TMEM132D: variants seen among roughly 807,000 people sequenced by gnomAD.
TMEM132D encodes the protein transmembrane protein 132D.
A neutral mutation model predicts 62.3 loss-of-function variants in TMEM132D; 21 were observed. The ratio of observed to expected loss-of-function variants is 0.34; its 90% CI spans 0.24 to 0.49. The LOEUF is 0.49. Among genes scored for constraint, TMEM132D ranks in the 20% least tolerant of loss-of-function variants. The probability of loss-of-function intolerance (pLI) is 0.99; values close to 1 mark genes in which losing one functional copy is unlikely to be tolerated. For missense variants in TMEM132D, 1,346 were observed against 1,402.8 expected (o/e 0.96, Z 0.65); for synonymous variants, 621 against 575.6 (o/e 1.08, Z -1.13).
At chr12:129,219,954 G>T (rs896619153) in intron 4 of TMEM132D, among the ~76,000 whole-genome samples, 2 of 152,076 alleles carry the variant, frequency 1.3e-5, no homozygotes, top group African/African-American at 4.8e-5. Context: ...TCTCTTCCTG[G>T]TGTGTGGGCA....
chr12:129,396,507 G>A (rs991352893), intron 3 of TMEM132D, among the ~76,000 whole-genome samples: 7 of 152,190 alleles, frequency 4.6e-5, no homozygotes, highest in African/African-American at 1.7e-4. Flanking sequence ...CTTTCCTACT[G>A]GCTGGAAGGA....
intron 1 of TMEM132D, among the ~76,000 whole-genome samples, chr12:129,716,386 C>T (rs1455826566): frequency 3.9e-5 from 6 of 152,144 alleles, no homozygotes; most frequent in Non-Finnish European, 8.8e-5. Context: ...CTTCAGAAGT[C>T]AAGAGAACAC....
intron 3 of TMEM132D, among the ~76,000 whole-genome samples, chr12:129,360,448 T>C (rs1215879462): frequency 2.0e-5 from 3 of 152,162 alleles, no homozygotes; most frequent in Non-Finnish European, 4.4e-5. Flanking sequence ...TCAATGAGGA[T>C]GGAAAGCACC....
intron 5 of TMEM132D, among the ~76,000 whole-genome samples, chr12:129,189,663 C>G (rs1878329044): frequency 6.6e-6 from 1 of 152,126 alleles, no homozygotes; most frequent in Non-Finnish European, 1.5e-5. Flanking sequence ...ATTTTGTCAC[C>G]TCAAAACTGA....
intron 4 of TMEM132D, among the ~76,000 whole-genome samples, chr12:129,224,705 A>G (rs1275548170): frequency 6.6e-6 from 1 of 152,220 alleles, no homozygotes; most frequent in Non-Finnish European, 1.5e-5. Context: ...CAGGAGTTTG[A>G]GACCAGACTG....
In TMEM132D at chr12:129,827,055, T is replaced by A. The variant is rs937741698; in HGVS notation, c.79+76206A>T. ...CACCATAATGAAATATGCAAAATACTAAATTATGAATTGATTTTAGTGATC... is the reference window on the plus strand; with the variant it reads ...CACCATAATGAAATATGCAAAATACAAAATTATGAATTGATTTTAGTGATC... On this transcript the variant is annotated intron_variant, in intron 1 of 8. Coordinates refer to ENST00000422113, the MANE Select transcript of TMEM132D (RefSeq NM_133448.3). The surrounding 1 kb of genome is among the most constrained non-coding windows in gnomAD (Gnocchi z 9.7). Among the ~76,000 whole-genome samples, 2 of 152,224 alleles carry A rather than the reference T, an allele frequency of 1.3e-5. No homozygotes were observed. Among genetic ancestry groups the A allele is most frequent in the Non-Finnish European group, 2.9e-5 (2 of 68,046 alleles).
chr12:129,405,307 G>C (rs1484017752), intron 3 of TMEM132D, among the ~76,000 whole-genome samples: 3 of 152,052 alleles, frequency 2.0e-5, no homozygotes, highest in African/African-American at 7.2e-5. Flanking sequence ...CCTTATAAGG[G>C]TGCTAATCTC....
intron 3 of TMEM132D, among the ~76,000 whole-genome samples, chr12:129,347,094 G>A (rs1295546392): frequency 6.6e-6 from 1 of 152,148 alleles, no homozygotes; most frequent in Non-Finnish European, 1.5e-5. Context: ...CATGCTCGTG[G>A]ATAGAAAGAA....
At chr12:129,241,035 T>C (rs950501415) in intron 4 of TMEM132D, among the ~76,000 whole-genome samples, 1 of 152,036 alleles carries the variant, frequency 6.6e-6, no homozygotes, top group African/African-American at 2.4e-5. Context: ...CTGCCTGTGT[T>C]TGGGTGATAT....
At chr12:129,849,101 G>A (rs909917976) in intron 1 of TMEM132D, among the ~76,000 whole-genome samples, 5 of 152,126 alleles carry the variant, frequency 3.3e-5, no homozygotes, top group African/African-American at 4.8e-5. Flanking sequence ...ATGTGGTCAC[G>A]GACAGGAGTT....
intron 1 of TMEM132D, among the ~76,000 whole-genome samples, chr12:129,902,923 C>T (rs1434131928): frequency 6.6e-6 from 1 of 152,224 alleles, no homozygotes; most frequent in Admixed American, 6.5e-5. Context: ...CTCGGCCCTC[C>T]AGAGGCCACC....
At chr12:129,601,515 T>C (rs1216866503) in intron 2 of TMEM132D, among the ~76,000 whole-genome samples, 4 of 152,230 alleles carry the variant, frequency 2.6e-5, no homozygotes, top group African/African-American at 7.2e-5. Context: ...ACTTTCAACA[T>C]GCCTTCCTCA....
intron 4 of TMEM132D, among the ~76,000 whole-genome samples, chr12:129,298,188 G>A (rs1046952851): frequency 6.6e-6 from 1 of 152,088 alleles, no homozygotes; most frequent in Admixed American, 6.6e-5. Flanking sequence ...GAATTACAAG[G>A]CAGAGAAAAT....
At chr12:129,573,198 G>A (rs1490656884) in intron 2 of TMEM132D, among the ~76,000 whole-genome samples, 1 of 152,170 alleles carries the variant, frequency 6.6e-6, no homozygotes, top group Non-Finnish European at 1.5e-5. Flanking sequence ...GCCAGCTGTG[G>A]ACTCACTACT....
At chr12:129,238,788 T>C (rs545218983) in intron 4 of TMEM132D, among the ~76,000 whole-genome samples, 2 of 152,356 alleles carry the variant, frequency 1.3e-5, no homozygotes, top group African/African-American at 4.8e-5. Flanking sequence ...GCTATGAACA[T>C]GGGTGTCCGA....
In TMEM132D at chr12:129,074,035, A is replaced by C; in HGVS notation, c.3140T>G (p.Phe1047Cys). ...TGAGGAGACGGCGGTGAAGGTGGTA[A>C]ATTTTACCCTTTTCCTTTTTGAGGT... ...SPTSKRKRVK[F>C]TTFTAVSSDD... The change falls in exon 9 of 9, where the codon TTT becomes TGT. Residue 1047 changes from phenylalanine to cysteine, a missense_variant. By Grantham distance (205) the Phe-to-Cys change is radical. Transcript: ENST00000422113. The C allele has an allele frequency of 6.2e-7, 1 of 1,613,822 alleles. No homozygotes were observed. Among genetic ancestry groups the C allele is most frequent in the South Asian group, 1.1e-5 (1 of 91,036 alleles).
intron 2 of TMEM132D, among the ~76,000 whole-genome samples, chr12:129,534,228 C>G (rs1441670221): frequency 6.6e-6 from 1 of 151,858 alleles, no homozygotes; most frequent in East Asian, 1.9e-4. Context: ...AAACATAGCA[C>G]TTGATTTTGA....
chr12:129,591,116 GTATA>G lies in TMEM132D; in HGVS notation c.969-59915_969-59912del, dbSNP rs1172229787. 6.6e-5 allele frequency among the ~76,000 whole-genome samples: 10 copies of G among 152,278 alleles called. No homozygotes were observed. The East Asian group carries it at 1.9e-3, about 29-fold the overall frequency. On this transcript the variant is annotated intron_variant, in intron 2 of 8. Coordinates refer to ENST00000422113, the MANE Select transcript of TMEM132D (RefSeq NM_133448.3). ...CAAACCCAAGGCATGAAAGAAAGAG[GTATA>G]TACAAACTCCGAATAGCAGGCAGAA... is the stretch of plus-strand genomic sequence containing the variant.
chr12:129,866,189 A>C (rs1874053991), intron 1 of TMEM132D, among the ~76,000 whole-genome samples: 1 of 152,130 alleles, frequency 6.6e-6, no homozygotes, highest in Non-Finnish European at 1.5e-5. Flanking sequence ...ATTACCTCAC[A>C]CCTGTTAGGA....
Sources: gnomAD v4.1 joint callset for allele counts (sites outside exome capture counted in the v4.1 genomes callset) on GRCh38, gnomAD v4.1.1 for gene constraint, Gnocchi (gnomAD v3.1) non-coding constraint, MANE v1.5 for transcripts, NCBI Gene and HGNC (gene_info 2026-07-23, HGNC 2026-07-21) for gene names.